PRKCZ: variants seen among roughly 807,000 people sequenced by gnomAD.
PRKCZ encodes protein kinase C zeta type.
In PRKCZ, 33 loss-of-function variants were observed where a neutral mutation model predicts 79.5. The observed-to-expected ratio is 0.41, with a 90% CI of 0.31 to 0.55. The LOEUF (loss-of-function observed/expected upper bound fraction) is 0.55. Among genes scored for constraint, PRKCZ ranks in the 20% least tolerant of loss-of-function variants. The probability of loss-of-function intolerance (pLI) is 0.19; values close to 1 mark genes in which losing one functional copy is unlikely to be tolerated. For missense variants in PRKCZ, 578 were observed against 813.5 expected, an observed-to-expected ratio of 0.71 and a Z score of 3.52; for synonymous variants, 342 against 320.9, an observed-to-expected ratio of 1.07 and a Z score of -0.70.
intron 9 of PRKCZ, among the ~76,000 whole-genome samples, chr1:2,155,210 G>A (rs901216776): frequency 2.0e-5 from 3 of 151,972 alleles, no homozygotes; most frequent in Non-Finnish European, 1.5e-5. Context: ...TGATGATGGC[G>A]GTGATGATGG....
intron 4 of PRKCZ, chr1:2,071,326 C>A: frequency 2.1e-6 from 1 of 470,234 alleles, no homozygotes; most frequent in East Asian, 6.6e-5. Context: ...GAGAGCGGCC[C>A]CACCGAGTGT....
At chr1:2,069,237 C>T (rs1231243775) in intron 4 of PRKCZ, among the ~76,000 whole-genome samples, 1 of 152,208 alleles carries the variant, frequency 6.6e-6, no homozygotes, top group Non-Finnish European at 1.5e-5. Flanking sequence ...CCTTTGGCCT[C>T]TCCGGACCCA....
intron 1 of PRKCZ, among the ~76,000 whole-genome samples, chr1:2,051,276 G>A (rs1444736225): frequency 2.6e-5 from 4 of 152,310 alleles, no homozygotes; most frequent in South Asian, 4.1e-4. Flanking sequence ...GGAGGCCCTT[G>A]CCTGGCTGTG....
At position 2,168,438 on chromosome 1, in the gene PRKCZ, T is replaced by G. The variant is rs1231119569; in HGVS notation, c.975-1080T>G. On this transcript the variant is annotated intron_variant, in intron 10 of 17. Coordinates refer to ENST00000378567, the MANE Select transcript of PRKCZ (RefSeq NM_002744.6). The surrounding 1 kb of genome is among the most constrained non-coding windows in gnomAD (Gnocchi z 4.7). ...CAAAGGCACGGCTTATTCTTCAGGG[T>G]GCCCGACTGGCCACGTGGACGTCTC... Among the ~76,000 whole-genome samples the G allele has an allele frequency of 6.6e-6, 1 of 152,166 alleles. No individual in the cohort carries two copies. The highest frequency in any genetic ancestry group is 1.5e-5 in the Non-Finnish European group (1 of 68,024).
Position 2,184,916 on chromosome 1 carries a change from C to T in PRKCZ, c.1692-6C>T. ...CCCCCCTCCCCCCTGCCACCTTTGC[C>T]CACAGGGATGCCATAAAGAGGATCG... is the stretch of plus-strand genomic sequence containing the variant. On this transcript the variant is annotated splice_region_variant and splice_polypyrimidine_tract_variant and intron_variant, in intron 17 of 17. Transcript: ENST00000378567. 2 of 1,613,118 alleles carry T rather than the reference C, an allele frequency of 1.2e-6. No homozygotes were observed. Among genetic ancestry groups the T allele is most frequent in the Non-Finnish European group, 1.7e-6 (2 of 1,179,454 alleles).
rs1571075382 is a variant in PRKCZ, at chr1:2,054,764, C to T, written c.72-677C>T. 2.0e-5 allele frequency among the ~76,000 whole-genome samples: 3 copies of T among 152,192 alleles called. 1 individual carries two copies. In the South Asian group the frequency reaches 6.2e-4, roughly 32 times the overall value. The stretch of plus-strand genomic sequence containing the variant: ...AGTGAAGCCGGCGGCCTGCACCGAC[C>T]CGGCTCGCGCCCATCCCGGGGTCAC... On this transcript the variant is annotated intron_variant, in intron 1 of 17. Transcript: ENST00000378567.
chr1:2,123,850 T>C (rs370201205), intron 4 of PRKCZ, among the ~76,000 whole-genome samples: 1 of 2,588 alleles, frequency 3.9e-4, no homozygotes. Context: ...TGGTTAGGGT[T>C]GTGGTGGTTA....
At chr1:2,102,833 CT>C (rs1667729725) in intron 4 of PRKCZ, among the ~76,000 whole-genome samples, 1 of 152,068 alleles carries the variant, frequency 6.6e-6, no homozygotes, top group Non-Finnish European at 1.5e-5. Flanking sequence ...CTGGAGGGGC[CT>C]TACCCTTTGG....
At position 2,053,378 on chromosome 1, in the gene PRKCZ, C is replaced by T. The variant is rs185314600; in HGVS notation, c.72-2063C>T. Among the ~76,000 whole-genome samples, 517 of 152,274 alleles carry T rather than the reference C, an allele frequency of 3.4e-3. 6 individuals carry two copies. Among genetic ancestry groups the T allele is most frequent in the African/African-American group, 0.011 (468 of 41,538 alleles). On this transcript the variant is annotated intron_variant, in intron 1 of 17. Transcript: ENST00000378567. ...CCTCCCAAAGCGCTGGGATGAAAGG[C>T]GTGAGTCACCGCGCCTGGCCCAGCT...
intron 4 of PRKCZ, among the ~76,000 whole-genome samples, chr1:2,119,151 T>TA (rs1671344439): frequency 6.6e-6 from 1 of 152,106 alleles, no homozygotes; most frequent in Non-Finnish European, 1.5e-5. Context: ...CCTTGGAACG[T>TA]AGCATAAACT....
At chr1:2,063,951 T>C (rs1421545437) in intron 4 of PRKCZ, among the ~76,000 whole-genome samples, 3 of 151,924 alleles carry the variant, frequency 2.0e-5, no homozygotes, top group African/African-American at 4.8e-5. Context: ...ATTCAAATGA[T>C]TCTCCTGTCT....
chr1:2,132,022 A>G (rs560073570), intron 4 of PRKCZ, among the ~76,000 whole-genome samples: 27 of 152,296 alleles, frequency 1.8e-4, no homozygotes, highest in African/African-American at 5.8e-4. Context: ...CGTGTTAGCC[A>G]GGATGGTCTC....
chr1:2,075,225 G>C lies in PRKCZ; in HGVS notation c.334+15634G>C, dbSNP rs1662177528. 1 of 152,320 alleles carries C rather than the reference G, an allele frequency of 6.6e-6. No individual in the cohort carries two copies. The highest frequency in any genetic ancestry group is 2.4e-5 in the African/African-American group (1 of 41,458). 9.4% of individuals were successfully genotyped at this position (152,320 alleles called of 1,614,324 possible). On this transcript the variant is annotated intron_variant, in intron 4 of 17. Transcript: ENST00000378567. The surrounding 1 kb of genome is among the most constrained non-coding windows in gnomAD (Gnocchi z 4.8). ...CTGTGTCATAGTTTCCTCGGTGCCT[G>C]GGACGGCTTGGCCTCTGCTTTCGTG...
chr1:2,170,692 C>T (rs985838831), intron 11 of PRKCZ, among the ~76,000 whole-genome samples: 2 of 152,230 alleles, frequency 1.3e-5, no homozygotes, highest in East Asian at 1.9e-4. Context: ...GCACGTCCCA[C>T]TTTCTGTCCC....
At chr1:2,063,083 T>G (rs369917125) in intron 4 of PRKCZ, among the ~76,000 whole-genome samples, 1 of 152,126 alleles carries the variant, frequency 6.6e-6, no homozygotes, top group African/African-American at 2.4e-5. Context: ...GGCGCAGCCA[T>G]GCGTAGCCTG....
At position 2,135,147 on chromosome 1, in the gene PRKCZ, TG is replaced by T; in HGVS notation, c.335-112del. ...TCATTCCAGCCCTGCCTTCCCTGCC[TG>T]GGAGGACGCTGCGGCCGCCACCACC... On this transcript the variant is annotated intron_variant, in intron 4 of 17. Transcript: ENST00000378567. The T allele has an allele frequency of 4.8e-6, 4 of 835,502 alleles. No individual in the cohort carries two copies. In the South Asian group the frequency reaches 5.2e-5, roughly 11 times the overall value. The allele number at this position is 835,502 out of a possible 1,614,324, so 51.8% of individuals were successfully genotyped here. A position where few individuals can be genotyped will look rare whatever the true frequency, so the allele number is the denominator to read the frequency against.
chr1:2,064,706 A>C (rs976945578), intron 4 of PRKCZ, among the ~76,000 whole-genome samples: 5 of 152,098 alleles, frequency 3.3e-5, no homozygotes, highest in African/African-American at 7.2e-5. Flanking sequence ...CTTCTAGTCC[A>C]TTGGTCTCTG....
intron 4 of PRKCZ, among the ~76,000 whole-genome samples, chr1:2,081,020 G>A (rs867370941): frequency 1.2e-4 from 19 of 152,144 alleles, no homozygotes; most frequent in African/African-American, 3.4e-4. Flanking sequence ...CTGGCCTTGC[G>A]TGTCACCTGG....
intron 7 of PRKCZ, 64 bp from the exon 8 acceptor site, chr1:2,148,808 G>A (rs1352029056): frequency 3.1e-5 from 47 of 1,532,064 alleles, no homozygotes; most frequent in Admixed American, 3.4e-5. Context: ...CCACAGGGTC[G>A]CTGTGTTCCC....
Sources: gnomAD v4.1 joint callset for allele counts (sites outside exome capture counted in the v4.1 genomes callset) on GRCh38, gnomAD v4.1.1 for gene constraint, Gnocchi (gnomAD v3.1) non-coding constraint, MANE v1.5 for transcripts, NCBI Gene and HGNC (gene_info 2026-07-23, HGNC 2026-07-21) for gene names.